FRAS1: variants seen among roughly 807,000 people sequenced by gnomAD.
FRAS1 encodes the protein Fraser extracellular matrix complex subunit 1.
A neutral mutation model predicts 435.2 loss-of-function variants in FRAS1; 290 were observed. The ratio of observed to expected loss-of-function variants is 0.67; its 90% confidence interval spans 0.61 to 0.73. The LOEUF (loss-of-function observed/expected upper bound fraction) is 0.73. Ranked by LOEUF, FRAS1 falls within the 30% of genes least tolerant of loss-of-function variation. FRAS1 has a pLI of 0.00. For synonymous variants in FRAS1, 1,800 were observed against 1,851.0 expected, an observed-to-expected ratio of 0.97 and a Z score of 0.71; for missense variants, 4,860 against 5,001.5, an observed-to-expected ratio of 0.97 and a Z score of 0.85.
At chr4:78,213,693 A>G (rs1424749661) in intron 2 of FRAS1, among the ~76,000 whole-genome samples, 1 of 152,158 alleles carries the variant, frequency 6.6e-6, no homozygotes, top group African/African-American at 2.4e-5. Flanking sequence ...AAATATGGAG[A>G]CTACAGAGAG....
chr4:78,319,026 T>G (rs962289747), intron 18 of FRAS1, 40 bp downstream of exon 18: 1 of 1,599,134 alleles, frequency 6.3e-7, no homozygotes, highest in Admixed American at 1.7e-5. Flanking sequence ...GCCTCTGGGC[T>G]TATCTCTTGA....
chr4:78,502,525 T>C (rs1720716526), intron 61 of FRAS1, among the ~76,000 whole-genome samples: 1 of 151,904 alleles, frequency 6.6e-6, no homozygotes, highest in Non-Finnish European at 1.5e-5. Flanking sequence ...CTGTTTATTA[T>C]AGTTGTATAG....
At chr4:78,284,827 A>T (rs1727505619) in intron 13 of FRAS1, among the ~76,000 whole-genome samples, 1 of 152,174 alleles carries the variant, frequency 6.6e-6, no homozygotes, top group African/African-American at 2.4e-5. Flanking sequence ...AGTCATAGTT[A>T]AATATTTTTA....
intron 2 of FRAS1, among the ~76,000 whole-genome samples, chr4:78,226,955 G>A (rs1007855314): frequency 2.6e-5 from 4 of 151,978 alleles, no homozygotes; most frequent in South Asian, 2.1e-4. Flanking sequence ...CCAGTCTGCC[G>A]TTAAGCAAAA....
intron 64 of FRAS1, 51 bp from the exon 65 acceptor site, chr4:78,513,341 G>T: frequency 6.3e-7 from 1 of 1,579,226 alleles, no homozygotes; most frequent in South Asian, 1.1e-5. Context: ...ATGTCCTATT[G>T]ACCATTTATA....
chr4:78,158,501 A>G lies in FRAS1; in HGVS notation c.109-79009A>G, dbSNP rs563220707. Among the ~76,000 whole-genome samples the G allele has an allele frequency of 2.6e-5, 4 of 152,206 alleles. No individual in the cohort carries two copies. The East Asian group carries it at 7.7e-4, about 29-fold the overall frequency. The stretch of plus-strand genomic sequence containing the variant: ...ACTCTCAGCTTGAATGTTATGGTGT[A>G]TAGAAATGTTTAGTCATAAAAAGAA... On this transcript the variant is annotated intron_variant, in intron 2 of 73. Coordinates refer to ENST00000512123, the MANE Select transcript of FRAS1 (RefSeq NM_025074.7).
intron 2 of FRAS1, among the ~76,000 whole-genome samples, chr4:78,127,564 T>C (rs1719430548): frequency 6.6e-6 from 1 of 152,020 alleles, no homozygotes; most frequent in South Asian, 2.1e-4. Flanking sequence ...ACTTGGTAGA[T>C]AATTGAAGAG....
Position 78,308,111 on chromosome 4 carries a change from A to C in FRAS1, c.1580A>C (p.His527Pro), listed in dbSNP as rs1346759617. ...CAGCWGPTEK[H>P]CLACRDPLHV... is the part of the protein sequence containing the mutation. ...GGTTGCTGGGGCCCAACGGAGAAGCACTGCTTGGCCTGCAGAGATCCCCTC... is the reference window on the plus strand; with the variant it reads ...GGTTGCTGGGGCCCAACGGAGAAGCCCTGCTTGGCCTGCAGAGATCCCCTC... Residue 527 changes from histidine to proline, a missense_variant, in exon 15 of 74, where the codon CAC (histidine) becomes CCC (proline). Coordinates refer to ENST00000512123, the MANE Select transcript of FRAS1 (RefSeq NM_025074.7). 6.2e-7 allele frequency: 1 copy of C among 1,613,880 alleles called. No homozygotes were observed. Among genetic ancestry groups the C allele is most frequent in the East Asian group, 2.2e-5 (1 of 44,874 alleles).
intron 50 of FRAS1, among the ~76,000 whole-genome samples, chr4:78,469,635 G>GTT (rs55741307): frequency 0.037 from 5,555 of 151,478 alleles, 345 homozygotes; most frequent in African/African-American, 0.13. Flanking sequence ...GTACTGTTTG[G>GTT]TTTTTTTTTC....
At chr4:78,446,948 A>G (rs1718855802) in intron 43 of FRAS1, 68 bp downstream of exon 43, 1 of 1,397,748 alleles carries the variant, frequency 7.2e-7, no homozygotes, top group Non-Finnish European at 9.8e-7. Context: ...AATAAACACA[A>G]ATATTTCAGT....
intron 58 of FRAS1, among the ~76,000 whole-genome samples, chr4:78,484,245 T>C (rs1293626615): frequency 6.6e-6 from 1 of 152,216 alleles, no homozygotes; most frequent in East Asian, 1.9e-4. Flanking sequence ...TTTATTGAGA[T>C]TAGCTTTTCA....
At position 78,132,000 on chromosome 4, in the gene FRAS1, T is replaced by A. The variant is rs190586713; in HGVS notation, c.108+65984T>A. On this transcript the variant is annotated intron_variant, in intron 2 of 73. Transcript: ENST00000512123. ...TTAAATGAACTCACTAAACAAGCTGTTAAAACCCTTCTTTATTTCAGTATG... is the reference window on the plus strand; with the variant it reads ...TTAAATGAACTCACTAAACAAGCTGATAAAACCCTTCTTTATTTCAGTATG... Among the ~76,000 whole-genome samples the A allele has an allele frequency of 2.6e-3, 396 of 152,366 alleles. 3 individuals carry two copies. Among genetic ancestry groups the A allele is most frequent in the Non-Finnish European group, 2.3e-3 (157 of 68,038 alleles).
chr4:78,229,033 G>A (rs1724397540), intron 2 of FRAS1, among the ~76,000 whole-genome samples: 1 of 152,174 alleles, frequency 6.6e-6, no homozygotes, highest in Non-Finnish European at 1.5e-5. Flanking sequence ...CTGACTTAGT[G>A]TGGTATATGA....
chr4:78,521,467 G>A, intron 67 of FRAS1, 56 bp from the exon 68 acceptor site: 1 of 1,145,388 alleles, frequency 8.7e-7, no homozygotes, highest in Non-Finnish European at 1.3e-6. Flanking sequence ...ATATGTGGTT[G>A]CTGTCAGGGA....
intron 2 of FRAS1, among the ~76,000 whole-genome samples, chr4:78,085,549 T>G (rs1741102744): frequency 6.6e-6 from 1 of 152,130 alleles, no homozygotes; most frequent in Admixed American, 6.6e-5. Flanking sequence ...ATCTTTTCCC[T>G]GTGTCCTCAA....
chr4:78,282,621 T>C (rs1157593651), intron 11 of FRAS1, among the ~76,000 whole-genome samples, 199 bp from the exon 12 acceptor site: 2 of 152,212 alleles, frequency 1.3e-5, no homozygotes, highest in African/African-American at 4.8e-5. Flanking sequence ...GTAAAACCCA[T>C]TATGAACAAA....
At chr4:78,276,534 G>A (rs894896603) in intron 9 of FRAS1, among the ~76,000 whole-genome samples, 1 of 152,182 alleles carries the variant, frequency 6.6e-6, no homozygotes, top group Non-Finnish European at 1.5e-5. Flanking sequence ...CCTTCTAACA[G>A]TCAGGACCTT....
Position 78,283,998 on chromosome 4 carries a change from G to A in FRAS1, c.1256-407G>A, listed in dbSNP as rs78557690. Among the ~76,000 whole-genome samples, 23 of 152,240 alleles carry A rather than the reference G, an allele frequency of 1.5e-4. No homozygotes were observed. The East Asian group carries it at 4.0e-3, about 27-fold the overall frequency. ...ATAAAAATAACTATTTTTCAACATT[G>A]TGGGTTTTATGTCTGAACTGTTTGT... On this transcript the variant is annotated intron_variant, in intron 12 of 73. Transcript: ENST00000512123.
chr4:78,284,654 T>G, intron 13 of FRAS1, 106 bp downstream of exon 13: 1 of 1,023,694 alleles, frequency 9.8e-7, no homozygotes, highest in Non-Finnish European at 1.4e-6. Context: ...GAGGGGGTCA[T>G]GCATGCAGCA....
Sources: allele counts gnomAD v4.1 joint callset (sites outside exome capture counted in the v4.1 genomes callset), GRCh38; gene constraint gnomAD v4.1.1; transcripts MANE v1.5; gene names NCBI Gene and HGNC (gene_info 2026-07-23, HGNC 2026-07-21).